Variants in SLC35F4 observed in about 807,000 individuals in gnomAD.
The protein encoded by SLC35F4 is solute carrier family 35 member F4.
Under a neutral mutation model 44.2 loss-of-function variants are expected in SLC35F4, and 24 were observed. The observed-to-expected ratio is 0.54, with a 90% CI of 0.39 to 0.76. The LOEUF is 0.76. Ranked by LOEUF, SLC35F4 falls within the 30% of genes least tolerant of loss-of-function variation. The probability of loss-of-function intolerance (pLI) is 0.00; values close to 1 mark genes in which losing one functional copy is unlikely to be tolerated. For missense variants in SLC35F4, 562 were observed against 586.1 expected (o/e 0.96, Z 0.42); for synonymous variants, 238 against 223.6 (o/e 1.06, Z -0.57).
At chr14:57,596,490 G>A (rs1351414339) in intron 1 of SLC35F4, 3 of 343,044 alleles carry the variant, frequency 8.7e-6, no homozygotes, top group Middle Eastern at 2.0e-3. Context: ...TACTCCAAGA[G>A]TCTTTTAAAA....
chr14:57,836,884 A>T (rs1022923792), intron 1 of SLC35F4, among the ~76,000 whole-genome samples: 1 of 152,232 alleles, frequency 6.6e-6, no homozygotes, highest in African/African-American at 2.4e-5. Context: ...CACCTAAAAA[A>T]ATTAATAACA....
chr14:57,927,681 G>T (rs1015449425), intron 1 of SLC35F4, among the ~76,000 whole-genome samples: 2 of 151,822 alleles, frequency 1.3e-5, no homozygotes, highest in Admixed American at 1.3e-4. Context: ...AGTAGAGACA[G>T]GGTTTCACCA....
intron 1 of SLC35F4, among the ~76,000 whole-genome samples, chr14:57,897,503 A>T (rs183907209): frequency 3.3e-5 from 5 of 151,924 alleles, no homozygotes; most frequent in Admixed American, 1.3e-4. Flanking sequence ...TAAACTCCTG[A>T]GTCCAAGCAG....
At chr14:57,810,126 T>G (rs1881791610) in intron 1 of SLC35F4, among the ~76,000 whole-genome samples, 1 of 152,204 alleles carries the variant, frequency 6.6e-6, no homozygotes, top group South Asian at 2.1e-4. Context: ...AAGTTGAGAC[T>G]TCTCCCTGTC....
intron 1 of SLC35F4, among the ~76,000 whole-genome samples, chr14:57,631,857 G>C (rs962461605): frequency 4.6e-5 from 7 of 151,962 alleles, no homozygotes; most frequent in Non-Finnish European, 8.8e-5. Context: ...TTTATAAAAA[G>C]CCAAAAATTA....
At chr14:57,811,767 A>G (rs1313789589) in intron 1 of SLC35F4, among the ~76,000 whole-genome samples, 2 of 152,178 alleles carry the variant, frequency 1.3e-5, no homozygotes, top group East Asian at 3.8e-4. Context: ...TCCAATTTAA[A>G]TAATAAGTTT....
intron 1 of SLC35F4, among the ~76,000 whole-genome samples, chr14:57,787,175 G>A (rs2077785322): frequency 6.6e-6 from 1 of 152,118 alleles, no homozygotes; most frequent in Non-Finnish European, 1.5e-5. Flanking sequence ...CAGAGCTCAA[G>A]ACAAAGTCTT....
At chr14:57,606,761 A>G (rs779083304) in intron 1 of SLC35F4, among the ~76,000 whole-genome samples, 7 of 152,192 alleles carry the variant, frequency 4.6e-5, no homozygotes, top group Middle Eastern at 3.2e-3. Flanking sequence ...CTCTCCTGGA[A>G]TCTTCTCTTC....
chr14:57,902,887 C>G (rs1264848487), intron 1 of SLC35F4, among the ~76,000 whole-genome samples: 1 of 152,172 alleles, frequency 6.6e-6, no homozygotes, highest in East Asian at 1.9e-4. Flanking sequence ...TTCAAGTCTT[C>G]TTAAATGGGA....
In SLC35F4 at chr14:57,608,795, G is replaced by T. The variant is rs894058159; in HGVS notation, c.104-14671C>A. 2.3e-3 allele frequency among the ~76,000 whole-genome samples: 43 copies of T among 18,756 alleles called. 3 individuals are homozygous for T. Among genetic ancestry groups the T allele is most frequent in the Admixed American group, 5.8e-3 (6 of 1,034 alleles). 12.3% of individuals were successfully genotyped at this position (18,756 alleles called of 152,430 possible). ...GCAGCCCAAAAGATGGCCGGGGGGG[G>T]GCGGCGGGGGGAGAGAAACAGGAAA... On this transcript the variant is annotated intron_variant, in intron 1 of 7. Transcript: ENST00000556826.
intron 1 of SLC35F4, among the ~76,000 whole-genome samples, chr14:57,657,819 G>C (rs181522341): frequency 6.6e-6 from 1 of 152,088 alleles, no homozygotes; most frequent in African/African-American, 2.4e-5. Context: ...AAGAAACCTC[G>C]GATTGGGAAG....
At chr14:57,902,353 C>T (rs570239192) in intron 1 of SLC35F4, among the ~76,000 whole-genome samples, 1 of 152,054 alleles carries the variant, frequency 6.6e-6, no homozygotes, top group Non-Finnish European at 1.5e-5. Context: ...CACCTGACGT[C>T]AGGAGTTTGA....
chr14:57,782,422 T>A (rs1260476560), intron 1 of SLC35F4, among the ~76,000 whole-genome samples: 1 of 151,334 alleles, frequency 6.6e-6, no homozygotes, highest in Non-Finnish European at 1.5e-5. Context: ...ATAAAATATA[T>A]GTAGATACTA....
At chr14:57,857,401 T>G (rs1274082754) in intron 1 of SLC35F4, among the ~76,000 whole-genome samples, 1 of 152,060 alleles carries the variant, frequency 6.6e-6, no homozygotes, top group Non-Finnish European at 1.5e-5. Context: ...TTTAGTGTAT[T>G]CTCATTCTTT....
At chr14:57,846,906 AC>A (rs1886080958) in intron 1 of SLC35F4, among the ~76,000 whole-genome samples, 1 of 152,182 alleles carries the variant, frequency 6.6e-6, no homozygotes. Context: ...ATATATGGAT[AC>A]CCAGCTTGTT....
intron 1 of SLC35F4, among the ~76,000 whole-genome samples, chr14:57,742,185 C>G (rs2076628245): frequency 6.6e-6 from 1 of 152,154 alleles, no homozygotes; most frequent in South Asian, 2.1e-4. Context: ...AAATAACCAG[C>G]TAACATCATA....
Position 57,714,559 on chromosome 14 carries a change from T to G in SLC35F4, c.104-120435A>C, listed in dbSNP as rs1566788378. Among the ~76,000 whole-genome samples the G allele has an allele frequency of 2.0e-5, 3 of 152,174 alleles. No individual in the cohort carries two copies. In the South Asian group the frequency reaches 6.2e-4, roughly 32 times the overall value. On this transcript the variant is annotated intron_variant, in intron 1 of 7. Coordinates refer to ENST00000556826, the MANE Select transcript of SLC35F4 (RefSeq NM_001306087.2). The stretch of plus-strand genomic sequence containing the variant: ...AATTGCCCTGAAGTGTTTGTTTTTC[T>G]TGCTCTTATAAATCAGACCACCAAG...
intron 1 of SLC35F4, among the ~76,000 whole-genome samples, chr14:57,679,816 C>G (rs867026307): frequency 1.3e-5 from 2 of 151,948 alleles, no homozygotes; most frequent in African/African-American, 2.4e-5. Flanking sequence ...CTCCCAAGAC[C>G]AAACCAAGAA....
At chr14:57,648,529 G>A (rs1167252826) in intron 1 of SLC35F4, among the ~76,000 whole-genome samples, 1 of 152,098 alleles carries the variant, frequency 6.6e-6, no homozygotes, top group Non-Finnish European at 1.5e-5. Flanking sequence ...CAGTTTAGAT[G>A]CCACATGCAG....
Sources: allele counts gnomAD v4.1 joint callset (sites outside exome capture counted in the v4.1 genomes callset), GRCh38; gene constraint gnomAD v4.1.1; transcripts MANE v1.5; gene names NCBI Gene and HGNC (gene_info 2026-07-23, HGNC 2026-07-21).